DTD2: variants seen among roughly 807,000 people sequenced by gnomAD.
DTD2 encodes D-tyrosyl-tRNA deacylase 2 (putative).
Under a neutral mutation model 15.5 loss-of-function variants are expected in DTD2, and 12 were observed. That is an observed-to-expected ratio of 0.77 (90% CI 0.50 to 1.25). The LOEUF (loss-of-function observed/expected upper bound fraction) is 1.25, where lower values mean the gene tolerates loss of function less well. Among genes scored for constraint, DTD2 ranks in the 50% most tolerant of loss-of-function variants. DTD2 has a pLI of 0.00. For synonymous variants in DTD2, 59 were observed against 77.3 expected, an observed-to-expected ratio of 0.76 and a Z score of 1.24; for missense variants, 170 against 201.1, an observed-to-expected ratio of 0.85 and a Z score of 0.93.
intron 1 of DTD2, 21 bp downstream of exon 1, chr14:31,457,262 G>C (rs896863185): frequency 1.9e-6 from 3 of 1,550,610 alleles, no homozygotes; most frequent in Admixed American, 3.9e-5. Flanking sequence ...AGGATAACGA[G>C]AGCTGCCGGG....
intron 1 of DTD2, among the ~76,000 whole-genome samples, chr14:31,455,604 T>C (rs1222597653): frequency 6.7e-6 from 1 of 149,844 alleles, no homozygotes; most frequent in Non-Finnish European, 1.5e-5. Flanking sequence ...ATTTTTGAGA[T>C]GAGGTTTCAC....
chr14:31,454,662 T>C (rs1259506913), intron 1 of DTD2, among the ~76,000 whole-genome samples: 2 of 152,264 alleles, frequency 1.3e-5, no homozygotes, highest in East Asian at 3.8e-4. Flanking sequence ...ATACCTGTTC[T>C]TTCCACTAAC....
Position 31,448,181 on chromosome 14 carries a change from T to C in DTD2, c.455A>G (p.Gln152Arg). Residue 152 changes from glutamine (Q) to arginine (R), a missense_variant, in exon 3 of 3, where the codon CAG becomes CGG. Gln to Arg is a conservative substitution (Grantham distance 43, BLOSUM62 1). Coordinates refer to ENST00000310850, the MANE Select transcript of DTD2 (RefSeq NM_080664.3). ...VVEHGTYGNR[Q>R]VLKLDTNGPF... ...TCCGTTGGTGTCCAGCTTTAACACC[T>C]GCCTGTTCCCATAAGTGCCATGTTC... is the stretch of plus-strand genomic sequence containing the variant. 6.2e-7 allele frequency: 1 copy of C among 1,614,180 alleles called. No homozygotes were observed. Among genetic ancestry groups the C allele is most frequent in the Non-Finnish European group, 8.5e-7 (1 of 1,180,024 alleles).
chr14:31,452,977 GC>G (rs1176276022), intron 2 of DTD2: 13 of 161,974 alleles, frequency 8.0e-5, no homozygotes, highest in Non-Finnish European at 1.3e-4. Flanking sequence ...TCACTCTGTT[GC>G]CCAGGCTGGA....
chr14:31,453,068 G>C (rs1736932861), intron 2 of DTD2, among the ~76,000 whole-genome samples: 1 of 151,520 alleles, frequency 6.6e-6, no homozygotes, highest in Non-Finnish European at 1.5e-5. Context: ...CTCCTAAGTA[G>C]CTAGGACCAT....
intron 2 of DTD2, among the ~76,000 whole-genome samples, chr14:31,450,266 A>G (rs1452273066): frequency 1.3e-5 from 2 of 152,248 alleles, no homozygotes; most frequent in Admixed American, 6.5e-5. Context: ...GATAAATACA[A>G]TGTAGAAACA....
chr14:31,451,178 C>A (rs535330552), intron 2 of DTD2, among the ~76,000 whole-genome samples: 2 of 140,934 alleles, frequency 1.4e-5, no homozygotes, highest in South Asian at 4.5e-4. Flanking sequence ...GATGGAGTCT[C>A]CCTCTGTCGC....
intron 1 of DTD2, among the ~76,000 whole-genome samples, chr14:31,456,449 T>C (rs1307745459): frequency 6.6e-6 from 1 of 151,878 alleles, no homozygotes; most frequent in African/African-American, 2.4e-5. Flanking sequence ...AAATAATAAC[T>C]AAAATTGTTT....
At chr14:31,457,258 A>G in intron 1 of DTD2, 25 bp downstream of exon 1, 1 of 1,547,230 alleles carries the variant, frequency 6.5e-7, no homozygotes, top group Non-Finnish European at 8.7e-7. Context: ...CCGGAGGATA[A>G]CGAGAGCTGC....
chr14:31,448,982 C>T (rs760419111), intron 2 of DTD2, among the ~76,000 whole-genome samples: 4 of 152,196 alleles, frequency 2.6e-5, no homozygotes, highest in Non-Finnish European at 4.4e-5. Context: ...CAACCTCTGC[C>T]TCCTGGGTTC....
At chr14:31,449,761 A>G (rs767318056) in intron 2 of DTD2, among the ~76,000 whole-genome samples, 1 of 152,228 alleles carries the variant, frequency 6.6e-6, no homozygotes, top group Non-Finnish European at 1.5e-5. Flanking sequence ...ATAAACTTCA[A>G]GACACCTGCC....
intron 1 of DTD2, among the ~76,000 whole-genome samples, chr14:31,455,784 G>A (rs1208914580): frequency 1.4e-4 from 21 of 151,632 alleles, no homozygotes. Context: ...ATTTCAACAT[G>A]TTGGCCAGGC....
At chr14:31,451,292 C>A (rs892800456) in intron 2 of DTD2, among the ~76,000 whole-genome samples, 1 of 151,804 alleles carries the variant, frequency 6.6e-6, no homozygotes, top group Non-Finnish European at 1.5e-5. Flanking sequence ...GGACTACAGG[C>A]GCCCACCACC....
intron 2 of DTD2, among the ~76,000 whole-genome samples, chr14:31,451,176 C>T (rs2032028353): frequency 7.5e-6 from 1 of 133,228 alleles, no homozygotes; most frequent in African/African-American, 2.9e-5. Context: ...GAGATGGAGT[C>T]TCCCTCTGTC....
chr14:31,457,153 C>G, intron 1 of DTD2, 130 bp downstream of exon 1: 1 of 862,422 alleles, frequency 1.2e-6, no homozygotes, highest in Non-Finnish European at 1.8e-6. Context: ...CAGCTTCAAG[C>G]TGACCCGGTA....
At position 31,453,309 on chromosome 14, in the gene DTD2, G is replaced by C. The variant is rs61754291; in HGVS notation, c.147C>G (p.Phe49Leu). The C allele has an allele frequency of 2.5e-6, 4 of 1,613,884 alleles. No homozygotes were observed. The highest frequency in any genetic ancestry group is 3.4e-6 in the Non-Finnish European group (4 of 1,179,956). ...QRGLVIYVCF[F>L]KGADKELLPK... Reference sequence around the variant, plus strand: ...GAAGAAGTTCTTTATCAGCTCCCTTGAAAAAGCACACGTAGATCACCAGTC... The same window carrying C: ...GAAGAAGTTCTTTATCAGCTCCCTTCAAAAAGCACACGTAGATCACCAGTC... The change falls in exon 2 of 3, where the codon TTC becomes TTG. Residue 49 changes from phenylalanine to leucine, a missense_variant. By Grantham distance (22) the Phe-to-Leu change is conservative (BLOSUM62 0). Transcript: ENST00000310850.
chr14:31,454,140 G>A (rs1215672951), intron 1 of DTD2, among the ~76,000 whole-genome samples: 1 of 152,148 alleles, frequency 6.6e-6, no homozygotes, highest in East Asian at 1.9e-4. Context: ...CTATTAGGAA[G>A]ATTAAATGAG....
At chr14:31,454,016 T>A (rs1015929933) in intron 1 of DTD2, among the ~76,000 whole-genome samples, 1 of 152,232 alleles carries the variant, frequency 6.6e-6, no homozygotes, top group Non-Finnish European at 1.5e-5. Flanking sequence ...ATTTCTTAGA[T>A]CTTGTAGGAC....
At position 31,446,121 on chromosome 14, in the gene DTD2, C is replaced by A. The variant is rs2031954676; in HGVS notation, c.*2008G>T. On this transcript the variant is annotated 3_prime_UTR_variant, in exon 3 of 3. Transcript: ENST00000310850. ...AAAGTTAAGGACAATGAGCTCATTA[C>A]CAAGCCAGTTATTGATTCTCTGGTT... 1 of 152,058 alleles carries A rather than the reference C, an allele frequency of 6.6e-6. No homozygotes were observed. The highest frequency in any genetic ancestry group is 2.1e-4 in the South Asian group (1 of 4,830). The allele number at this position is 152,058 out of a possible 1,614,324, so 9.4% of individuals were successfully genotyped here.
Sources: allele counts gnomAD v4.1 joint callset (sites outside exome capture counted in the v4.1 genomes callset), GRCh38; gene constraint gnomAD v4.1.1; transcripts MANE v1.5; gene names NCBI Gene and HGNC (gene_info 2026-07-23, HGNC 2026-07-21).